Variants in DLGAP2 observed in about 807,000 individuals in gnomAD.
The protein encoded by DLGAP2 is disks large-associated protein 2.
DLGAP2 carries 26 observed loss-of-function variants against 100.3 expected under a neutral mutation model. That is an observed-to-expected ratio of 0.26 (90% CI 0.19 to 0.36). The LOEUF is 0.36. Among genes scored for constraint, DLGAP2 ranks in the 10% least tolerant of loss-of-function variants. DLGAP2 has a pLI of 1.00. For synonymous variants in DLGAP2, 886 were observed against 630.1 expected (o/e 1.41, Z -6.08); for missense variants, 1,858 against 1,453.2 (o/e 1.28, Z -4.53).
At chr8:1,558,017 G>C (rs1359467614) in intron 5 of DLGAP2, among the ~76,000 whole-genome samples, 1 of 152,236 alleles carries the variant, frequency 6.6e-6, no homozygotes, top group African/African-American at 2.4e-5. Context: ...CTGAATGGCT[G>C]AGGGCATGCC....
Position 1,663,010 on chromosome 8 carries a change from G to T in DLGAP2, c.1811-5319G>T, listed in dbSNP as rs563669676. 2.7e-5 allele frequency among the ~76,000 whole-genome samples: 4 copies of T among 149,622 alleles called. 1 individual carries two copies. The highest frequency in any genetic ancestry group is 2.0e-4 in the Admixed American group (3 of 15,112). On this transcript the variant is annotated intron_variant, in intron 8 of 14. Transcript: ENST00000637795. ...ACATGTGTGAGTGTGGGGTGTGTGT[G>T]TGTGTATACCTGTGTGAGTGTGGGG...
chr8:756,421 A>G (rs1045372998), intron 1 of DLGAP2, among the ~76,000 whole-genome samples: 5 of 152,218 alleles, frequency 3.3e-5, no homozygotes, highest in Admixed American at 2.0e-4. Flanking sequence ...ATCTGTTTTT[A>G]ATTAGCACAG....
At chr8:802,214 C>T (rs1418626239) in intron 1 of DLGAP2, among the ~76,000 whole-genome samples, 1 of 151,400 alleles carries the variant, frequency 6.6e-6, no homozygotes, top group Admixed American at 6.6e-5. Context: ...CCTGGGCCCT[C>T]CATCCTCATG....
At chr8:756,190 G>T (rs1040475262) in intron 1 of DLGAP2, among the ~76,000 whole-genome samples, 3 of 152,146 alleles carry the variant, frequency 2.0e-5, no homozygotes, top group Admixed American at 1.3e-4. Context: ...CGAGTGTCTG[G>T]GAGGAGCTGG....
At chr8:1,216,323 C>A (rs971842697) in intron 2 of DLGAP2, among the ~76,000 whole-genome samples, 1 of 152,004 alleles carries the variant, frequency 6.6e-6, no homozygotes, top group East Asian at 1.9e-4. Context: ...AAGGCATGTC[C>A]GTACTTCAGG....
chr8:1,576,287 T>C (rs1802975218), intron 6 of DLGAP2, among the ~76,000 whole-genome samples: 1 of 152,258 alleles, frequency 6.6e-6, no homozygotes, highest in South Asian at 2.1e-4. Context: ...TGTCTGTTCA[T>C]GTCCTTCGCC....
At chr8:1,645,118 CAAAT>C (rs1271063282) in intron 8 of DLGAP2, among the ~76,000 whole-genome samples, 4 of 152,216 alleles carry the variant, frequency 2.6e-5, no homozygotes, top group Non-Finnish European at 4.4e-5. Flanking sequence ...ATGAATGAAT[CAAAT>C]GAATGAATCA....
chr8:1,707,516 CGT>C lies in DLGAP2; in HGVS notation c.*6111_*6112del, dbSNP rs1360483602. 2.6e-5 allele frequency: 4 copies of C among 152,160 alleles called. No individual in the cohort carries two copies. Among genetic ancestry groups the C allele is most frequent in the Admixed American group, 2.6e-4 (4 of 15,272 alleles). The allele number at this position is 152,160 out of a possible 1,614,324, so 9.4% of individuals were successfully genotyped here. A position where few individuals can be genotyped will look rare whatever the true frequency, so the allele number is the denominator to read the frequency against. On this transcript the variant is annotated 3_prime_UTR_variant, in exon 15 of 15. Transcript: ENST00000637795. ...GTTCCCCTCACTCCACTTTTTAACT[CGT>C]TTGCTGAACTCGACAAGGCTTCCCC...
chr8:1,025,641 C>G (rs370256814), intron 2 of DLGAP2, among the ~76,000 whole-genome samples: 1 of 152,270 alleles, frequency 6.6e-6, no homozygotes, highest in East Asian at 1.9e-4. Context: ...TTGGTCTTCT[C>G]TGTACTTGCC....
At chr8:1,310,974 G>C (rs1290643299) in intron 3 of DLGAP2, among the ~76,000 whole-genome samples, 1 of 151,924 alleles carries the variant, frequency 6.6e-6, no homozygotes, top group Non-Finnish European at 1.5e-5. Context: ...TCAAAAAATA[G>C]AGTATCAACA....
At position 1,298,680 on chromosome 8, in the gene DLGAP2, G is replaced by A. The variant is rs539691081; in HGVS notation, c.106+39797G>A. Among the ~76,000 whole-genome samples the A allele has an allele frequency of 6.4e-4, 98 of 152,308 alleles. 1 individual carries two copies. Among genetic ancestry groups the A allele is most frequent in the African/African-American group, 2.2e-3 (93 of 41,560 alleles). On this transcript the variant is annotated intron_variant, in intron 3 of 14. Coordinates refer to ENST00000637795, the MANE Select transcript of DLGAP2 (RefSeq NM_001346810.2). Reference sequence around the variant, plus strand: ...AGGCACCTCGGCCATGGTAGATGCCGAGGGCCCCAGGACAAGCATGCATGC... The same window carrying A: ...AGGCACCTCGGCCATGGTAGATGCCAAGGGCCCCAGGACAAGCATGCATGC...
intron 2 of DLGAP2, among the ~76,000 whole-genome samples, chr8:917,238 C>A (rs1348940781): frequency 7.2e-6 from 1 of 139,092 alleles, no homozygotes; most frequent in African/African-American, 2.6e-5. Context: ...TCCCTTCCTT[C>A]CTTCCTTCCT....
intron 3 of DLGAP2, among the ~76,000 whole-genome samples, chr8:1,454,427 G>T (rs1441232771): frequency 6.6e-6 from 1 of 151,538 alleles, no homozygotes; most frequent in Non-Finnish European, 1.5e-5. Context: ...GGGTGTTCCT[G>T]CTGGCAACTT....
rs531620713 is a variant in DLGAP2, at chr8:1,177,324, A to G, written c.74-81527A>G. 4.6e-5 allele frequency among the ~76,000 whole-genome samples: 7 copies of G among 151,962 alleles called. No individual in the cohort carries two copies. In the South Asian group the frequency reaches 1.5e-3, roughly 32 times the overall value. ...TCTTGGAGTATTTTTTGCTCAGGAGAGGCATTATATCATAAGCCTGGCTGT... is the reference window on the plus strand; with the variant it reads ...TCTTGGAGTATTTTTTGCTCAGGAGGGGCATTATATCATAAGCCTGGCTGT... On this transcript the variant is annotated intron_variant, in intron 2 of 14. Transcript: ENST00000637795.
chr8:1,185,992 C>T (rs1244938034), intron 2 of DLGAP2, among the ~76,000 whole-genome samples: 1 of 152,184 alleles, frequency 6.6e-6, no homozygotes, highest in Non-Finnish European at 1.5e-5. Context: ...TTAACCAGGC[C>T]AGCTTCCTTG....
chr8:1,438,689 A>G (rs1464168997), intron 3 of DLGAP2, among the ~76,000 whole-genome samples: 2 of 152,230 alleles, frequency 1.3e-5, no homozygotes, highest in South Asian at 2.1e-4. Flanking sequence ...GATTTGATCT[A>G]TCACAATACA....
chr8:1,669,686 G>C, intron 9 of DLGAP2, 57 bp from the exon 10 acceptor site: 1 of 780,398 alleles, frequency 1.3e-6, no homozygotes, highest in Non-Finnish European at 2.4e-6. Flanking sequence ...GGAGCCGCCC[G>C]CTGGTCCAGG....
intron 2 of DLGAP2, among the ~76,000 whole-genome samples, chr8:923,467 G>C (rs1271149939): frequency 6.6e-6 from 1 of 152,230 alleles, no homozygotes; most frequent in East Asian, 1.9e-4. Flanking sequence ...TTCCGCCCAG[G>C]AGCTGGAGAT....
At chr8:819,836 A>G (rs1796552460) in intron 1 of DLGAP2, among the ~76,000 whole-genome samples, 1 of 152,216 alleles carries the variant, frequency 6.6e-6, no homozygotes, top group African/African-American at 2.4e-5. Flanking sequence ...CGGCATGGAA[A>G]TGTGGCACTT....
Sources: allele counts gnomAD v4.1 joint callset (sites outside exome capture counted in the v4.1 genomes callset), GRCh38; gene constraint gnomAD v4.1.1; transcripts MANE v1.5; gene names NCBI Gene and HGNC (gene_info 2026-07-23, HGNC 2026-07-21).